The following KCNIP4 variants were observed in gnomAD, a reference collection of about 807,000 sequenced individuals.
KCNIP4 encodes the protein potassium voltage-gated channel interacting protein 4, also known as Kv channel-interacting protein 4.
A neutral mutation model predicts 34.0 loss-of-function variants in KCNIP4; 12 were observed. That is an observed-to-expected ratio of 0.35 (90% CI 0.23 to 0.57). KCNIP4 has a LOEUF of 0.57. KCNIP4 is among the 20% of genes least tolerant of loss of function. The pLI is 0.83. For missense variants in KCNIP4, 238 were observed against 311.7 expected (o/e 0.76, Z 1.78); for synonymous variants, 124 against 102.2 (o/e 1.21, Z -1.29).
In KCNIP4 at chr4:20,880,261, C is replaced by T. The variant is rs115438796; in HGVS notation, c.163+2347G>A. On this transcript the variant is annotated intron_variant, in intron 2 of 8. Coordinates refer to ENST00000382152, the MANE Select transcript of KCNIP4 (RefSeq NM_025221.6). ...GGGCTCTTATCTTTCTTTGCACTTT[C>T]CAAATTGACTGTCCTGAACATGAGA... 1.2e-3 allele frequency among the ~76,000 whole-genome samples: 183 copies of T among 152,110 alleles called. 1 individual carries two copies. Among genetic ancestry groups the T allele is most frequent in the African/African-American group, 4.2e-3 (174 of 41,482 alleles).
chr4:21,891,994 C>T (rs1249436167), intron 1 of KCNIP4, among the ~76,000 whole-genome samples: 1 of 151,940 alleles, frequency 6.6e-6, no homozygotes, highest in Admixed American at 6.6e-5. Flanking sequence ...TGATTTCTGT[C>T]AACTTACAGT....
At chr4:20,901,193 C>T (rs1158440270) in intron 1 of KCNIP4, among the ~76,000 whole-genome samples, 1 of 152,146 alleles carries the variant, frequency 6.6e-6, no homozygotes, top group African/African-American at 2.4e-5. Context: ...AGAAAACAGT[C>T]CTATGAGATA....
intron 1 of KCNIP4, among the ~76,000 whole-genome samples, chr4:21,135,329 A>G (rs1412734872): frequency 1.3e-5 from 2 of 152,224 alleles, no homozygotes; most frequent in Non-Finnish European, 2.9e-5. Context: ...ATAGACTGCA[A>G]TATACATTCT....
chr4:21,035,329 A>G (rs554150640), intron 1 of KCNIP4, among the ~76,000 whole-genome samples: 15 of 152,334 alleles, frequency 9.8e-5, no homozygotes, highest in African/African-American at 3.6e-4. Flanking sequence ...AGAATGTGAC[A>G]TCCTACTAAT....
At chr4:21,663,111 TA>T (rs1748569504) in intron 1 of KCNIP4, among the ~76,000 whole-genome samples, 1 of 152,124 alleles carries the variant, frequency 6.6e-6, no homozygotes, top group South Asian at 2.1e-4. Flanking sequence ...ACTTGTAAAA[TA>T]ATTGTAAATC....
chr4:21,207,977 G>A (rs994708053), intron 1 of KCNIP4, among the ~76,000 whole-genome samples: 1 of 150,876 alleles, frequency 6.6e-6, no homozygotes, highest in African/African-American at 2.4e-5. Context: ...CAAATAGCTG[G>A]GACTATAGGT....
At chr4:21,294,968 A>C (rs1371934227) in intron 1 of KCNIP4, among the ~76,000 whole-genome samples, 5 of 152,294 alleles carry the variant, frequency 3.3e-5, no homozygotes, top group Admixed American at 3.3e-4. Flanking sequence ...TTTTACCTCT[A>C]CTGTCACAAT....
chr4:20,837,554 CA>C (rs761778013), intron 3 of KCNIP4, among the ~76,000 whole-genome samples: 74 of 151,272 alleles, frequency 4.9e-4, no homozygotes, highest in Non-Finnish European at 8.0e-4. Context: ...ACAAAACAGC[CA>C]AAATTGCACA....
At chr4:20,897,069 C>T (rs1283403413) in intron 1 of KCNIP4, among the ~76,000 whole-genome samples, 1 of 152,044 alleles carries the variant, frequency 6.6e-6, no homozygotes, top group East Asian at 1.9e-4. Flanking sequence ...AGGTAAATAT[C>T]AGTTGAGGCT....
chr4:21,396,694 CT>C (rs1241015111), intron 1 of KCNIP4, among the ~76,000 whole-genome samples: 1 of 151,780 alleles, frequency 6.6e-6, no homozygotes, highest in Admixed American at 6.6e-5. Context: ...CACTATGACT[CT>C]TACAAGAAAA....
intron 1 of KCNIP4, among the ~76,000 whole-genome samples, chr4:21,878,230 C>CA (rs1159132760): frequency 6.6e-6 from 1 of 152,068 alleles, no homozygotes; most frequent in Admixed American, 6.6e-5. Flanking sequence ...CACACACCAC[C>CA]ACGCACAGCT....
At chr4:21,910,805 T>G (rs1728263373) in intron 1 of KCNIP4, among the ~76,000 whole-genome samples, 1 of 152,192 alleles carries the variant, frequency 6.6e-6, no homozygotes, top group Non-Finnish European at 1.5e-5. Context: ...TCACACGAAC[T>G]ATTATTAAAT....
At chr4:20,957,366 T>C (rs1169438538) in intron 1 of KCNIP4, among the ~76,000 whole-genome samples, 1 of 152,214 alleles carries the variant, frequency 6.6e-6, no homozygotes, top group African/African-American at 2.4e-5. Flanking sequence ...ATACTCATTA[T>C]CTCTGGTCTT....
At chr4:21,584,269 A>C (rs572656212) in intron 1 of KCNIP4, among the ~76,000 whole-genome samples, 1 of 152,196 alleles carries the variant, frequency 6.6e-6, no homozygotes, top group East Asian at 1.9e-4. Flanking sequence ...TCTCAGACCT[A>C]AAAGTTTTGT....
intron 1 of KCNIP4, among the ~76,000 whole-genome samples, chr4:21,616,766 T>C (rs1744636459): frequency 6.6e-6 from 1 of 152,122 alleles, no homozygotes; most frequent in African/African-American, 2.4e-5. Context: ...TCTCTTCTTG[T>C]AAGGACACGA....
intron 6 of KCNIP4, among the ~76,000 whole-genome samples, chr4:20,734,249 C>G (rs954160635): frequency 2.0e-5 from 3 of 152,104 alleles, no homozygotes; most frequent in Non-Finnish European, 4.4e-5. Context: ...TTCCACAATC[C>G]CCATGATTGT....
rs114443724 is a variant in KCNIP4 at position 21,780,718 on chromosome 4, T to C, written c.61+167853A>G. Among the ~76,000 whole-genome samples, 1,368 of 152,282 alleles carry C rather than the reference T, an allele frequency of 9.0e-3. 24 individuals are homozygous for C. Among genetic ancestry groups the C allele is most frequent in the African/African-American group, 0.031 (1,303 of 41,564 alleles). On this transcript the variant is annotated intron_variant, in intron 1 of 8. Transcript: ENST00000382152. ...AAATGTATCAATCAACCTGTGTTCATTTTCTAGAGCTGCTGAAACAAATTA... is the reference window on the plus strand; with the variant it reads ...AAATGTATCAATCAACCTGTGTTCACTTTCTAGAGCTGCTGAAACAAATTA...
At chr4:21,132,483 T>C (rs537749222) in intron 1 of KCNIP4, among the ~76,000 whole-genome samples, 20 of 152,330 alleles carry the variant, frequency 1.3e-4, no homozygotes, top group African/African-American at 4.3e-4. Context: ...AGTTTTTAAC[T>C]TTGATCTAGA....
intron 1 of KCNIP4, among the ~76,000 whole-genome samples, chr4:20,968,060 G>C (rs1003383359): frequency 4.6e-5 from 7 of 151,828 alleles, no homozygotes; most frequent in South Asian, 2.1e-4. Context: ...CCAGAATCTA[G>C]AAAGAACTTA....
Sources: allele counts gnomAD v4.1 joint callset (sites outside exome capture counted in the v4.1 genomes callset), GRCh38; gene constraint gnomAD v4.1.1; transcripts MANE v1.5; gene names NCBI Gene and HGNC (gene_info 2026-07-23, HGNC 2026-07-21).